The following RABGAP1 variants were observed in gnomAD, a reference collection of about 807,000 sequenced individuals.
The protein encoded by RABGAP1 is rab GTPase-activating protein 1.
Under a neutral mutation model 137.6 loss-of-function variants are expected in RABGAP1, and 23 were observed. That is an observed-to-expected ratio of 0.17 (90% confidence interval 0.12 to 0.24). The LOEUF is 0.24. Among genes scored for constraint, RABGAP1 ranks in the 10% least tolerant of loss-of-function variants. The pLI is 1.00. For synonymous variants in RABGAP1, 451 were observed against 450.7 expected, an observed-to-expected ratio of 1.00 and a Z score of -0.01; for missense variants, 906 against 1,275.8, an observed-to-expected ratio of 0.71 and a Z score of 4.42.
intron 13 of RABGAP1, among the ~76,000 whole-genome samples, chr9:123,023,103 A>G (rs1274983637): frequency 1.3e-5 from 2 of 152,136 alleles, no homozygotes; most frequent in Non-Finnish European, 2.9e-5. Context: ...GTACCTTTCT[A>G]GTCATAAATA....
At chr9:123,071,202 A>G (rs139423763) in intron 15 of RABGAP1, among the ~76,000 whole-genome samples, 2 of 152,190 alleles carry the variant, frequency 1.3e-5, no homozygotes, top group Non-Finnish European at 2.9e-5. Context: ...TTTTCTCCCA[A>G]TTGTCTACTC....
chr9:123,074,393 A>G lies in RABGAP1; in HGVS notation c.2218A>G (p.Met740Val), dbSNP rs746604331. 3 of 1,613,234 alleles carry G rather than the reference A, an allele frequency of 1.9e-6. No individual in the cohort carries two copies. Among genetic ancestry groups the G allele is most frequent in the African/African-American group, 1.3e-5 (1 of 74,882 alleles). ...TTTCACTGCAAAATTCCCTCTCTAC[A>G]TGGTCTTCCATATCATCGACCTGCT... ...TLFTAKFPLY[M>V]VFHIIDLLLC... The change falls in exon 17 of 26, where the codon ATG becomes GTG. Residue 740 changes from methionine to valine, a missense_variant. By Grantham distance (21) the Met-to-Val change is conservative (BLOSUM62 1). Transcript: ENST00000373647.
chr9:122,977,941 A>G (rs374377078), intron 2 of RABGAP1, among the ~76,000 whole-genome samples: 3 of 152,256 alleles, frequency 2.0e-5, no homozygotes, highest in African/African-American at 7.2e-5. Flanking sequence ...AGTAGGGTAC[A>G]TAGAAAAAAA....
At chr9:123,019,559 C>T (rs775886693) in intron 12 of RABGAP1, among the ~76,000 whole-genome samples, 3 of 152,170 alleles carry the variant, frequency 2.0e-5, no homozygotes, top group Non-Finnish European at 4.4e-5. Flanking sequence ...AAGAAATCTT[C>T]CCACCTTGGC....
chr9:123,051,996 G>A (rs898828298), intron 13 of RABGAP1, among the ~76,000 whole-genome samples: 8 of 148,514 alleles, frequency 5.4e-5, no homozygotes, highest in South Asian at 2.1e-4. Context: ...TCGTAGGGAC[G>A]GAGTTTCACC....
chr9:122,951,653 C>G (rs546815621), intron 1 of RABGAP1, among the ~76,000 whole-genome samples: 23 of 152,042 alleles, frequency 1.5e-4, no homozygotes, highest in African/African-American at 4.8e-4. Context: ...TCACTGCAGC[C>G]TAGAACCCCT....
chr9:122,997,935 ATAGT>A (rs759123004), intron 9 of RABGAP1, among the ~76,000 whole-genome samples: 1 of 152,218 alleles, frequency 6.6e-6, no homozygotes, highest in Non-Finnish European at 1.5e-5. Context: ...CTATAGATAA[ATAGT>A]TAAAGGATGT....
intron 12 of RABGAP1, among the ~76,000 whole-genome samples, chr9:123,018,300 G>A (rs186135651): frequency 6.6e-6 from 1 of 152,320 alleles, no homozygotes; most frequent in East Asian, 1.9e-4. Flanking sequence ...AGGTTGCTAA[G>A]TTGGATAAAG....
chr9:123,002,349 A>G (rs1033342499), intron 10 of RABGAP1, among the ~76,000 whole-genome samples: 8 of 108,142 alleles, frequency 7.4e-5, no homozygotes, highest in Non-Finnish European at 9.0e-5. Context: ...TTGTATATAT[A>G]TTTTTATTAT....
At chr9:123,022,694 C>T (rs573819178) in intron 13 of RABGAP1, among the ~76,000 whole-genome samples, 10 of 152,128 alleles carry the variant, frequency 6.6e-5, no homozygotes, top group African/African-American at 1.4e-4. Flanking sequence ...TGTGAGCCAC[C>T]GCGCCCGGCC....
intron 18 of RABGAP1, 47 bp downstream of exon 18, chr9:123,076,333 C>G: frequency 6.4e-7 from 1 of 1,557,104 alleles, no homozygotes; most frequent in Admixed American, 1.7e-5. Context: ...CCCTGCTCTG[C>G]ACTTGCAATA....
chr9:122,944,394 G>A (rs955031126), intron 1 of RABGAP1, among the ~76,000 whole-genome samples: 1 of 151,892 alleles, frequency 6.6e-6, no homozygotes, highest in African/African-American at 2.4e-5. Context: ...CACACCCAGT[G>A]AATTTTGCTA....
intron 14 of RABGAP1, among the ~76,000 whole-genome samples, chr9:123,066,841 A>G (rs1199194911): frequency 6.6e-6 from 1 of 152,268 alleles, no homozygotes; most frequent in African/African-American, 2.4e-5. Context: ...ATGGTTTATT[A>G]TGAAAAATTT....
intron 2 of RABGAP1, among the ~76,000 whole-genome samples, chr9:122,964,468 A>G (rs1835024283): frequency 6.6e-6 from 1 of 152,230 alleles, no homozygotes; most frequent in Non-Finnish European, 1.5e-5. Flanking sequence ...CAAAACCCAC[A>G]TGATCATCTC....
At chr9:122,964,575 A>C (rs975816814) in intron 2 of RABGAP1, among the ~76,000 whole-genome samples, 2 of 152,228 alleles carry the variant, frequency 1.3e-5, no homozygotes, top group African/African-American at 4.8e-5. Context: ...GAACATTTCA[A>C]CCTGATAAAG....
intron 12 of RABGAP1, among the ~76,000 whole-genome samples, chr9:123,018,697 G>A (rs1176761683): frequency 6.6e-6 from 1 of 152,200 alleles, no homozygotes; most frequent in African/African-American, 2.4e-5. Context: ...ACTGTCCATA[G>A]CACTTGCATT....
At chr9:123,012,475 A>G (rs1778797312) in intron 11 of RABGAP1, among the ~76,000 whole-genome samples, 1 of 152,260 alleles carries the variant, frequency 6.6e-6, no homozygotes, top group South Asian at 2.1e-4. Flanking sequence ...GCTGGTTACA[A>G]AGAAATCTGG....
At chr9:123,015,704 C>A in intron 12 of RABGAP1, 68 bp downstream of exon 12, 1 of 1,110,634 alleles carries the variant, frequency 9.0e-7, no homozygotes, top group Admixed American at 2.2e-5. Context: ...TCTTACCTAA[C>A]TATAATCAAT....
At chr9:123,034,748 A>G in intron 13 of RABGAP1, 1 of 1,613,948 alleles carries the variant, frequency 6.2e-7, no homozygotes, top group Non-Finnish European at 8.5e-7. Flanking sequence ...TTGTTGAACC[A>G]TCACACTACA....
Sources: allele counts gnomAD v4.1 joint callset (sites outside exome capture counted in the v4.1 genomes callset), GRCh38; gene constraint gnomAD v4.1.1; transcripts MANE v1.5; gene names NCBI Gene and HGNC (gene_info 2026-07-23, HGNC 2026-07-21).